FER: variants seen among roughly 807,000 people sequenced by gnomAD.
The protein encoded by FER is tyrosine-protein kinase Fer.
In FER, 63 loss-of-function variants were observed where a neutral mutation model predicts 111.0. The observed-to-expected ratio is 0.57, with a 90% CI of 0.46 to 0.70. The LOEUF (loss-of-function observed/expected upper bound fraction) is 0.70, where lower values mean the gene tolerates loss of function less well. Ranked by LOEUF, FER falls within the 30% of genes least tolerant of loss-of-function variation. FER has a pLI of 0.00. For synonymous variants in FER, 327 were observed against 313.9 expected (o/e 1.04, Z -0.44); for missense variants, 914 against 954.0 (o/e 0.96, Z 0.55).
intron 2 of FER, chr5:108,782,751 T>TA (rs1167522861): frequency 1.3e-5 from 2 of 152,236 alleles, no homozygotes; most frequent in African/African-American, 4.8e-5. Context: ...GTGCTGGGAT[T>TA]ACAGGTATGA....
At chr5:109,059,562 C>T (rs1302661876) in intron 16 of FER, among the ~76,000 whole-genome samples, 1 of 152,104 alleles carries the variant, frequency 6.6e-6, no homozygotes, top group Non-Finnish European at 1.5e-5. Flanking sequence ...TATGGGATCT[C>T]TGTCTCCTTC....
intron 8 of FER, among the ~76,000 whole-genome samples, chr5:108,878,605 T>C (rs1380062040): frequency 6.6e-6 from 1 of 152,142 alleles, no homozygotes; most frequent in Non-Finnish European, 1.5e-5. Context: ...GTTTTTTCCA[T>C]TGATGGAGTT....
In FER at chr5:108,839,553, C is replaced by A. The variant is rs182314923; in HGVS notation, c.481+3746C>A. Among the ~76,000 whole-genome samples, 6 of 151,740 alleles carry A rather than the reference C, an allele frequency of 4.0e-5. No homozygotes were observed. In the East Asian group the frequency reaches 1.2e-3, roughly 29 times the overall value. On this transcript the variant is annotated intron_variant, in intron 5 of 19. Coordinates refer to ENST00000281092, the MANE Select transcript of FER (RefSeq NM_005246.4). ...GTAGCCACAGAGAAATTCTTCCTAC[C>A]CCAACCCCATGCCATTTTCTTTTTT...
intron 5 of FER, among the ~76,000 whole-genome samples, chr5:108,837,981 C>T (rs185265446): frequency 1.1e-4 from 17 of 152,090 alleles, no homozygotes. Flanking sequence ...TTAAATCCTA[C>T]AGAATATATA....
At chr5:109,086,495 C>CT (rs569622225) in intron 16 of FER, among the ~76,000 whole-genome samples, 15 of 151,362 alleles carry the variant, frequency 9.9e-5, no homozygotes, top group South Asian at 2.1e-4. Context: ...CAACTTTTAG[C>CT]TTTTTTTTAT....
At chr5:109,178,733 G>A (rs1757974748) in intron 17 of FER, among the ~76,000 whole-genome samples, 1 of 152,198 alleles carries the variant, frequency 6.6e-6, no homozygotes, top group Non-Finnish European at 1.5e-5. Flanking sequence ...TCTGAAATCA[G>A]GTTAGGTAAG....
rs749632513 is a variant in FER at position 109,174,680 on chromosome 5, TTTG to T, written c.2049-6061_2049-6059del. On this transcript the variant is annotated intron_variant, in intron 17 of 19. Transcript: ENST00000281092. ...TTTATATGTGTATTATGTAGGTTGT[TTTG>T]TTGTTTTTTAGGGGGCAGGGAGGGA... Among the ~76,000 whole-genome samples the T allele has an allele frequency of 4.6e-5, 7 of 152,274 alleles. No homozygotes were observed. In the East Asian group the frequency reaches 1.2e-3, roughly 25 times the overall value.
At chr5:109,002,785 G>C (rs9688204) in intron 13 of FER, among the ~76,000 whole-genome samples, 28,176 of 151,696 alleles carry the variant, frequency 0.19, 2,819 homozygotes, top group Non-Finnish European at 0.22. Flanking sequence ...AAAAACAACC[G>C]CATCAAAAAG....
chr5:108,759,673 C>T (rs748672213), intron 1 of FER, among the ~76,000 whole-genome samples: 5 of 152,056 alleles, frequency 3.3e-5, no homozygotes, highest in African/African-American at 7.2e-5. Flanking sequence ...GGCAGAAAGC[C>T]GAAGGGCAAG....
chr5:108,964,963 A>G (rs1052908251), intron 13 of FER, among the ~76,000 whole-genome samples: 1 of 152,144 alleles, frequency 6.6e-6, no homozygotes, highest in Non-Finnish European at 1.5e-5. Flanking sequence ...GAACATTTGA[A>G]AAGACATAAG....
At chr5:108,835,191 C>CG (rs1445849136) in intron 4 of FER, among the ~76,000 whole-genome samples, 1 of 119,276 alleles carries the variant, frequency 8.4e-6, no homozygotes, top group East Asian at 2.4e-4. Flanking sequence ...GCCACCCCCC[C>CG]CCCCCCACTT....
chr5:108,994,108 T>G (rs142510529), intron 13 of FER, among the ~76,000 whole-genome samples: 28,173 of 152,138 alleles, frequency 0.19, 2,815 homozygotes, highest in Non-Finnish European at 0.22. Flanking sequence ...CTTTTGCTGT[T>G]CAGAAGCTCT....
At chr5:108,934,910 A>G (rs923623735) in intron 10 of FER, among the ~76,000 whole-genome samples, 8 of 152,164 alleles carry the variant, frequency 5.3e-5, no homozygotes, top group Non-Finnish European at 1.2e-4. Context: ...TAACAAATGC[A>G]TATATCTACA....
At position 108,927,944 on chromosome 5, in the gene FER, C is replaced by G. The variant is rs116741410; in HGVS notation, c.1237-18186C>G. ...TTCTGTTGAGTAACTAGCACCAACT[C>G]CGGACTGCTTACTTTACTTATGAAT... On this transcript the variant is annotated intron_variant, in intron 10 of 19. Transcript: ENST00000281092. Among the ~76,000 whole-genome samples, 579 of 152,284 alleles carry G rather than the reference C, an allele frequency of 3.8e-3. 1 individual carries two copies. Among genetic ancestry groups the G allele is most frequent in the African/African-American group, 0.013 (544 of 41,558 alleles).
chr5:108,796,614 C>G (rs768259105), intron 2 of FER, among the ~76,000 whole-genome samples: 3 of 152,118 alleles, frequency 2.0e-5, no homozygotes, highest in Admixed American at 6.5e-5. Context: ...CTTCCCTCTC[C>G]TTTCCTCAAG....
intron 13 of FER, among the ~76,000 whole-genome samples, chr5:108,984,719 A>T (rs1394081082): frequency 6.6e-6 from 1 of 150,772 alleles, no homozygotes; most frequent in East Asian, 1.9e-4. Flanking sequence ...GTACGTGGGG[A>T]AACTGTAACA....
intron 17 of FER, among the ~76,000 whole-genome samples, chr5:109,141,078 C>T (rs1753473693): frequency 6.6e-6 from 1 of 152,106 alleles, no homozygotes; most frequent in African/African-American, 2.4e-5. Context: ...TTAATGGAGG[C>T]CTAACCAGGT....
chr5:109,029,223 T>C (rs1201770691), intron 13 of FER, among the ~76,000 whole-genome samples: 44 of 149,484 alleles, frequency 2.9e-4, no homozygotes, highest in African/African-American at 9.1e-4. Context: ...AGGCTTTCTT[T>C]TTTTTTTTTT....
At chr5:108,794,642 A>G (rs1468567731) in intron 2 of FER, among the ~76,000 whole-genome samples, 2 of 149,618 alleles carry the variant, frequency 1.3e-5, no homozygotes, top group African/African-American at 5.0e-5. Context: ...CTTAAAGGAT[A>G]TTTTCACCAG....
Sources: allele counts gnomAD v4.1 joint callset (sites outside exome capture counted in the v4.1 genomes callset), GRCh38; gene constraint gnomAD v4.1.1; transcripts MANE v1.5; gene names NCBI Gene and HGNC (gene_info 2026-07-23, HGNC 2026-07-21).